The following SEMA6D variants were observed in gnomAD, a reference collection of about 807,000 sequenced individuals.
SEMA6D encodes semaphorin 6D, also known as semaphorin-6D.
Under a neutral mutation model 106.6 loss-of-function variants are expected in SEMA6D, and 35 were observed. That is an observed-to-expected ratio of 0.33 (90% CI 0.25 to 0.44). SEMA6D has a LOEUF of 0.44. Ranked by LOEUF, SEMA6D falls within the 20% of genes least tolerant of loss-of-function variation. The pLI, the probability that SEMA6D is intolerant of heterozygous loss-of-function variation, is 1.00. For synonymous variants in SEMA6D, 499 were observed against 487.7 expected (o/e 1.02, Z -0.31); for missense variants, 1,185 against 1,345.9 (o/e 0.88, Z 1.87).
chr15:47,578,065 G>A (rs1483853136), intron 3 of SEMA6D, among the ~76,000 whole-genome samples: 2 of 152,144 alleles, frequency 1.3e-5, no homozygotes, highest in African/African-American at 2.4e-5. Context: ...AACCTTCTGA[G>A]ATATGCATTG....
intron 4 of SEMA6D, among the ~76,000 whole-genome samples, chr15:47,686,061 T>A (rs1786732328): frequency 6.6e-6 from 1 of 152,054 alleles, no homozygotes; most frequent in East Asian, 1.9e-4. Context: ...GGGAAAAAAA[T>A]GAGTAGTACT....
intron 4 of SEMA6D, among the ~76,000 whole-genome samples, chr15:47,603,698 T>A (rs915543371): frequency 4.6e-5 from 7 of 151,912 alleles, no homozygotes; most frequent in Non-Finnish European, 8.8e-5. Flanking sequence ...TATATATAAT[T>A]ATTATTCTTA....
intron 4 of SEMA6D, among the ~76,000 whole-genome samples, chr15:47,647,719 C>CAAAAAAAAAAAA (rs777557315): frequency 1.1e-5 from 1 of 93,840 alleles, no homozygotes; most frequent in Non-Finnish European, 2.6e-5. Context: ...CAATTGTGGG[C>CAAAAAAAAAAAA]AAAAAAAAAA....
At chr15:47,478,351 G>A (rs2043056567) in intron 3 of SEMA6D, among the ~76,000 whole-genome samples, 1 of 152,114 alleles carries the variant, frequency 6.6e-6, no homozygotes, top group African/African-American at 2.4e-5. Context: ...TTTATTAGTG[G>A]TCACTAATGG....
At chr15:47,689,805 C>T (rs946664887) in intron 4 of SEMA6D, among the ~76,000 whole-genome samples, 2 of 152,226 alleles carry the variant, frequency 1.3e-5, no homozygotes, top group African/African-American at 4.8e-5. Context: ...GCATGTCTCT[C>T]CGCAGAGGAC....
At chr15:47,661,736 T>C (rs1329836357) in intron 4 of SEMA6D, among the ~76,000 whole-genome samples, 1 of 152,222 alleles carries the variant, frequency 6.6e-6, no homozygotes, top group African/African-American at 2.4e-5. Flanking sequence ...CGTTGCCTAG[T>C]TACAGAGAGA....
chr15:47,579,506 G>A lies in SEMA6D; in HGVS notation c.-86-21359G>A, dbSNP rs577187474. On this transcript the variant is annotated intron_variant, in intron 3 of 19. Transcript: ENST00000558014. ...AGTTGATGTAGTTAATTGAGGAAAT[G>A]CCCTATGTTAAGAAGGACTGCTTCT... is the stretch of plus-strand genomic sequence containing the variant. 5.3e-5 allele frequency among the ~76,000 whole-genome samples: 8 copies of A among 152,250 alleles called. No individual in the cohort carries two copies. In the East Asian group the frequency reaches 1.4e-3, roughly 26 times the overall value.
At chr15:47,636,194 A>G (rs1488120137) in intron 4 of SEMA6D, among the ~76,000 whole-genome samples, 1 of 152,216 alleles carries the variant, frequency 6.6e-6, no homozygotes, top group Non-Finnish European at 1.5e-5. Context: ...TTATACATTT[A>G]CTAAAAATAA....
Position 47,459,677 on chromosome 15 carries a change from T to C in SEMA6D, c.-158-10797T>C, listed in dbSNP as rs531644198. On this transcript the variant is annotated intron_variant, in intron 2 of 19. Coordinates refer to the SEMA6D transcript ENST00000558014. Reference sequence around the variant, plus strand: ...AAATATTTAAAATTAAAAACTTTTATAATAACCTCAAAACAAACAATAGGT... The same window carrying C: ...AAATATTTAAAATTAAAAACTTTTACAATAACCTCAAAACAAACAATAGGT... Among the ~76,000 whole-genome samples, 20 of 152,190 alleles carry C rather than the reference T, an allele frequency of 1.3e-4. No individual in the cohort carries two copies. In the East Asian group the frequency reaches 3.9e-3, roughly 30 times the overall value.
At chr15:47,757,967 G>A (rs951661292) in intron 1 of SEMA6D, among the ~76,000 whole-genome samples, 10 of 152,056 alleles carry the variant, frequency 6.6e-5, no homozygotes, top group African/African-American at 2.4e-4. Flanking sequence ...TTGAAGGAAC[G>A]TTCCCAGGCC....
intron 3 of SEMA6D, among the ~76,000 whole-genome samples, chr15:47,590,905 ACTTGATATGGAAGCC>A (rs1468116513): frequency 3.3e-5 from 5 of 152,248 alleles, no homozygotes; most frequent in Non-Finnish European, 5.9e-5. Flanking sequence ...AGTTTGTGGT[ACTTGATATGGAAGCC>A]CTAGGGGACT....
chr15:47,573,934 CT>C (rs1245779714), intron 3 of SEMA6D, among the ~76,000 whole-genome samples: 1 of 152,216 alleles, frequency 6.6e-6, no homozygotes, highest in Non-Finnish European at 1.5e-5. Flanking sequence ...GTCAATATGT[CT>C]CTTCAGTGCA....
intron 2 of SEMA6D, among the ~76,000 whole-genome samples, chr15:47,448,952 A>G (rs2042106102): frequency 2.6e-5 from 4 of 152,100 alleles, no homozygotes; most frequent in Admixed American, 2.0e-4. Context: ...ACAAATGTGA[A>G]AAATCATCAT....
chr15:47,541,676 A>G (rs2045359464), intron 3 of SEMA6D, among the ~76,000 whole-genome samples: 2 of 152,220 alleles, frequency 1.3e-5, no homozygotes, highest in Non-Finnish European at 2.9e-5. Flanking sequence ...CTGTATCTAC[A>G]GATGATCGGG....
chr15:47,397,715 A>T (rs778090814), intron 1 of SEMA6D: 5 of 152,206 alleles, frequency 3.3e-5, no homozygotes, highest in African/African-American at 4.8e-5. Flanking sequence ...ACTCATTCAG[A>T]TGAAACTTCA....
At chr15:47,291,582 T>G (rs2035594271) in intron 1 of SEMA6D, among the ~76,000 whole-genome samples, 1 of 152,184 alleles carries the variant, frequency 6.6e-6, no homozygotes, top group Non-Finnish European at 1.5e-5. Context: ...ATGGGAATTC[T>G]AGGGAATGGG....
At chr15:47,211,788 A>T (rs375349824) in intron 1 of SEMA6D, among the ~76,000 whole-genome samples, 2 of 152,186 alleles carry the variant, frequency 1.3e-5, no homozygotes, top group African/African-American at 4.8e-5. Flanking sequence ...ACAGATAATT[A>T]TTAAGTGGGT....
At chr15:47,544,898 A>G (rs1244967608) in intron 3 of SEMA6D, among the ~76,000 whole-genome samples, 1 of 152,132 alleles carries the variant, frequency 6.6e-6, no homozygotes, top group Non-Finnish European at 1.5e-5. Flanking sequence ...GTTAAACGAT[A>G]TGAATGGCTA....
intron 3 of SEMA6D, among the ~76,000 whole-genome samples, chr15:47,518,804 A>G (rs1160187221): frequency 6.6e-6 from 1 of 152,190 alleles, no homozygotes; most frequent in Non-Finnish European, 1.5e-5. Flanking sequence ...TTCAGGGGCA[A>G]TAACAGACAT....
Sources: allele counts gnomAD v4.1 joint callset (sites outside exome capture counted in the v4.1 genomes callset), GRCh38; gene constraint gnomAD v4.1.1; transcripts MANE v1.5; gene names NCBI Gene and HGNC (gene_info 2026-07-23, HGNC 2026-07-21).